Variants in PPM1E observed in about 807,000 individuals in gnomAD.
PPM1E encodes the protein protein phosphatase 1E.
PPM1E carries 20 observed loss-of-function variants against 65.9 expected under a neutral mutation model. The ratio of observed to expected loss-of-function variants is 0.30; its 90% CI spans 0.21 to 0.44. The LOEUF (loss-of-function observed/expected upper bound fraction) is 0.44. PPM1E is among the 20% of genes least tolerant of loss of function. PPM1E has a pLI of 1.00. For synonymous variants in PPM1E, 352 were observed against 374.9 expected, an observed-to-expected ratio of 0.94 and a Z score of 0.70; for missense variants, 713 against 953.1, an observed-to-expected ratio of 0.75 and a Z score of 3.32.
At chr17:58,875,053 A>G (rs929228091) in intron 1 of PPM1E, among the ~76,000 whole-genome samples, 1 of 152,132 alleles carries the variant, frequency 6.6e-6, no homozygotes, top group African/African-American at 2.4e-5. Context: ...TCTAAAAACA[A>G]TGTAATTGCC....
intron 1 of PPM1E, among the ~76,000 whole-genome samples, chr17:58,941,902 G>A (rs568005176): frequency 6.6e-6 from 1 of 151,468 alleles, no homozygotes; most frequent in East Asian, 1.9e-4. Context: ...CTACTCGGGG[G>A]AGTGAGGCAG....
At chr17:58,924,608 A>G (rs533195657) in intron 1 of PPM1E, among the ~76,000 whole-genome samples, 3 of 152,080 alleles carry the variant, frequency 2.0e-5, no homozygotes, top group Admixed American at 6.6e-5. Flanking sequence ...AGTGCAGAAC[A>G]TGTAGGTTTG....
chr17:58,801,440 CTT>C (rs35970989), intron 1 of PPM1E, among the ~76,000 whole-genome samples: 98 of 101,090 alleles, frequency 9.7e-4, no homozygotes, highest in Non-Finnish European at 1.3e-3. Flanking sequence ...CCCCTTCAGT[CTT>C]TTTTTTTTTT....
chr17:58,849,124 C>T (rs1362742831), intron 1 of PPM1E, among the ~76,000 whole-genome samples: 1 of 152,030 alleles, frequency 6.6e-6, no homozygotes, highest in Non-Finnish European at 1.5e-5. Flanking sequence ...GTGATATCCC[C>T]TTTATTATTT....
chr17:58,814,406 C>T (rs767853105), intron 1 of PPM1E, among the ~76,000 whole-genome samples: 19 of 152,180 alleles, frequency 1.2e-4, no homozygotes, highest in Non-Finnish European at 2.6e-4. Context: ...AGACTTCTAA[C>T]AACAGCCAAG....
chr17:58,916,806 TG>T (rs1942151381), intron 1 of PPM1E, among the ~76,000 whole-genome samples: 1 of 152,230 alleles, frequency 6.6e-6, no homozygotes, highest in Non-Finnish European at 1.5e-5. Context: ...CTTTAAGGGC[TG>T]AGATAGTATA....
chr17:58,817,370 G>A (rs2050436733), intron 1 of PPM1E, among the ~76,000 whole-genome samples: 1 of 151,998 alleles, frequency 6.6e-6, no homozygotes, highest in Admixed American at 6.6e-5. Context: ...CATGCATTGT[G>A]CTTTAACAGA....
intron 1 of PPM1E, among the ~76,000 whole-genome samples, chr17:58,883,804 A>G (rs1339946957): frequency 6.6e-6 from 1 of 152,148 alleles, no homozygotes; most frequent in Non-Finnish European, 1.5e-5. Context: ...TTCTTAAATA[A>G]GAATAGGTGA....
intron 1 of PPM1E, among the ~76,000 whole-genome samples, chr17:58,875,876 C>T (rs952736671): frequency 1.3e-5 from 2 of 152,036 alleles, no homozygotes; most frequent in African/African-American, 4.8e-5. Context: ...GTAAAAAAAT[C>T]CCAAGGATGT....
At chr17:58,964,562 A>T (rs2030152698) in intron 2 of PPM1E, among the ~76,000 whole-genome samples, 1 of 152,170 alleles carries the variant, frequency 6.6e-6, no homozygotes, top group African/African-American at 2.4e-5. Context: ...CGGTAGGTTT[A>T]GGGTCAAGAG....
At chr17:58,960,015 T>C (rs2029982081) in intron 2 of PPM1E, among the ~76,000 whole-genome samples, 1 of 152,234 alleles carries the variant, frequency 6.6e-6, no homozygotes, top group African/African-American at 2.4e-5. Context: ...TTCTGGAATT[T>C]GTCAGTTGTA....
intron 1 of PPM1E, among the ~76,000 whole-genome samples, chr17:58,831,781 C>T (rs1313619475): frequency 6.6e-6 from 1 of 152,164 alleles, no homozygotes; most frequent in Non-Finnish European, 1.5e-5. Flanking sequence ...CATTCCCTTT[C>T]TTGCTTTCAA....
At chr17:58,836,838 G>A (rs1224645928) in intron 1 of PPM1E, among the ~76,000 whole-genome samples, 2 of 146,368 alleles carry the variant, frequency 1.4e-5, no homozygotes, top group Non-Finnish European at 3.0e-5. Flanking sequence ...TGGCTAACAC[G>A]GTGAAACCCC....
At position 58,785,544 on chromosome 17, in the gene PPM1E, T is replaced by C. The variant is rs901323763; in HGVS notation, c.464+29083T>C. The C allele has an allele frequency of 2.0e-5, 3 of 146,730 alleles. No homozygotes were observed. The East Asian group carries it at 6.1e-4, about 30-fold the overall frequency. The allele number at this position is 146,730 out of a possible 1,614,324, so 9.1% of individuals were successfully genotyped here. ...ATGCTGGTCTTGAACTCCTGGCCTC[T>C]AGTGATTTTCCTGCCTCAGCCTCCC... is the stretch of plus-strand genomic sequence containing the variant. On this transcript the variant is annotated intron_variant, in intron 1 of 6. Transcript: ENST00000308249.
At chr17:58,858,367 A>G (rs534503933) in intron 1 of PPM1E, among the ~76,000 whole-genome samples, 22 of 152,280 alleles carry the variant, frequency 1.4e-4, no homozygotes, top group East Asian at 1.3e-3. Context: ...ATTGTTAACT[A>G]TAGTCATCCT....
intron 1 of PPM1E, among the ~76,000 whole-genome samples, chr17:58,799,954 C>T (rs1470335863): frequency 6.6e-6 from 1 of 152,158 alleles, no homozygotes; most frequent in African/African-American, 2.4e-5. Context: ...TTTTATAGAT[C>T]TTTTGCATTT....
At chr17:58,813,258 G>T (rs2143104419) in intron 1 of PPM1E, among the ~76,000 whole-genome samples, 2 of 152,108 alleles carry the variant, frequency 1.3e-5, no homozygotes, top group Middle Eastern at 3.4e-3. Flanking sequence ...AAACATTTTT[G>T]CCTTGGCTAC....
chr17:58,860,363 G>A (rs2050926662), intron 1 of PPM1E, among the ~76,000 whole-genome samples: 1 of 152,130 alleles, frequency 6.6e-6, no homozygotes, highest in South Asian at 2.1e-4. Context: ...CCCATTCAGT[G>A]GCATGCCAGT....
At position 58,755,878 on chromosome 17, in the gene PPM1E, C is replaced by A; in HGVS notation, c.-120C>A. The A allele has an allele frequency of 1.3e-6, 2 of 1,503,898 alleles. No homozygotes were observed. The highest frequency in any genetic ancestry group is 1.8e-6 in the Non-Finnish European group (2 of 1,127,542). The allele number at this position is 1,503,898 out of a possible 1,614,324, so 93.2% of individuals were successfully genotyped here. ...CCTCTCCAGGCAACCTAGTGCTGAT[C>A]GCTCGTGCCGGTGCGGCCGTTAACC... On this transcript the variant is annotated 5_prime_UTR_variant, in exon 1 of 7. Coordinates refer to ENST00000308249, the MANE Select transcript of PPM1E (RefSeq NM_014906.5).
Sources: allele counts gnomAD v4.1 joint callset (sites outside exome capture counted in the v4.1 genomes callset), GRCh38; gene constraint gnomAD v4.1.1; transcripts MANE v1.5; gene names NCBI Gene and HGNC (gene_info 2026-07-23, HGNC 2026-07-21).